NEGR1: variants seen among roughly 807,000 people sequenced by gnomAD.
NEGR1 encodes the protein neuronal growth regulator 1.
A neutral mutation model predicts 40.9 loss-of-function variants in NEGR1; 10 were observed. That is an observed-to-expected ratio of 0.24 (90% CI 0.15 to 0.42). The LOEUF is 0.42. Ranked by LOEUF, NEGR1 falls within the 10% of genes least tolerant of loss-of-function variation. The pLI, the probability that NEGR1 is intolerant of heterozygous loss-of-function variation, is 1.00. For synonymous variants in NEGR1, 185 were observed against 166.8 expected (o/e 1.11, Z -0.84); for missense variants, 352 against 438.9 (o/e 0.80, Z 1.77).
intron 2 of NEGR1, among the ~76,000 whole-genome samples, chr1:71,916,394 T>C (rs926835366): frequency 6.6e-6 from 1 of 151,982 alleles, no homozygotes; most frequent in Admixed American, 6.6e-5. Context: ...AATATAAAGA[T>C]CCTTAAAAAA....
chr1:71,696,549 C>T lies in NEGR1; in HGVS notation c.667+1459G>A, dbSNP rs116023195. On this transcript the variant is annotated intron_variant, in intron 4 of 6. Coordinates refer to ENST00000357731, the MANE Select transcript of NEGR1 (RefSeq NM_173808.3). ...TCCTTAGTAGATATATGTCTCTCTT[C>T]CCTCCCCTCCACTTCCCAAGCCCTC... 4.1e-3 allele frequency among the ~76,000 whole-genome samples: 630 copies of T among 151,808 alleles called. 6 individuals are homozygous for T. The highest frequency in any genetic ancestry group is 0.014 in the African/African-American group (601 of 41,478).
chr1:71,663,261 T>C (rs1339657460), intron 4 of NEGR1, among the ~76,000 whole-genome samples: 1 of 152,154 alleles, frequency 6.6e-6, no homozygotes, highest in Non-Finnish European at 1.5e-5. Context: ...CCGGCCATTT[T>C]TTAGTTTTTT....
rs987783926 is a variant in NEGR1 at position 71,607,291 on chromosome 1, A to T, written c.788+3735T>A. ...TAAATAAATTGGGAAATTATAAGTG[A>T]GTGTTTGTACATGCAGTTTCTTATT... is the stretch of plus-strand genomic sequence containing the variant. On this transcript the variant is annotated intron_variant, in intron 5 of 6. Coordinates refer to ENST00000357731, the MANE Select transcript of NEGR1 (RefSeq NM_173808.3). Among the ~76,000 whole-genome samples the T allele has an allele frequency of 9.2e-5, 14 of 152,196 alleles. No homozygotes were observed. The East Asian group carries it at 2.7e-3, about 29-fold the overall frequency.
intron 1 of NEGR1, among the ~76,000 whole-genome samples, chr1:72,210,277 A>C (rs1653552863): frequency 6.6e-6 from 1 of 151,902 alleles, no homozygotes; most frequent in African/African-American, 2.4e-5. Context: ...AAACCAACTC[A>C]GTGGCATAGT....
intron 1 of NEGR1, among the ~76,000 whole-genome samples, chr1:72,134,343 C>A (rs1033573395): frequency 9.9e-5 from 15 of 151,264 alleles, no homozygotes; most frequent in Non-Finnish European, 1.9e-4. Flanking sequence ...GTAGCTGGGA[C>A]TACAGGCGCC....
chr1:72,060,129 T>A lies in NEGR1; in HGVS notation c.177-124818A>T, dbSNP rs546471361. ...CAAAATTGCTTTTAGGAAATTACGA[T>A]ATTAATAATTTACACCCATGTCAAT... is the stretch of plus-strand genomic sequence containing the variant. On this transcript the variant is annotated intron_variant, in intron 1 of 6. Transcript: ENST00000357731. Among the ~76,000 whole-genome samples, 3 of 151,828 alleles carry A rather than the reference T, an allele frequency of 2.0e-5. No homozygotes were observed. In the East Asian group the frequency reaches 5.8e-4, roughly 29 times the overall value.
chr1:71,421,357 A>G (rs931766301), intron 6 of NEGR1: 3 of 151,890 alleles, frequency 2.0e-5, no homozygotes, highest in African/African-American at 7.3e-5. Context: ...GTTTGTTTTA[A>G]TTTTTTTTCC....
At chr1:71,670,490 G>A (rs1424850968) in intron 4 of NEGR1, among the ~76,000 whole-genome samples, 1 of 151,902 alleles carries the variant, frequency 6.6e-6, no homozygotes, top group Admixed American at 6.6e-5. Context: ...TTGAGTTCAT[G>A]TCTTCCAACA....
chr1:72,275,577 T>C (rs1413529943), intron 1 of NEGR1, among the ~76,000 whole-genome samples: 2 of 152,102 alleles, frequency 1.3e-5, no homozygotes, highest in Non-Finnish European at 2.9e-5. Context: ...ATGAATGATA[T>C]CAAGAAATTT....
intron 2 of NEGR1, among the ~76,000 whole-genome samples, chr1:71,809,952 T>C (rs1258980022): frequency 6.6e-6 from 1 of 152,112 alleles, no homozygotes. Context: ...TAAAACCATC[T>C]CAGACAAATG....
intron 4 of NEGR1, among the ~76,000 whole-genome samples, chr1:71,642,552 A>G (rs1287556691): frequency 1.3e-5 from 2 of 151,878 alleles, no homozygotes; most frequent in African/African-American, 4.8e-5. Context: ...TGTAACACCA[A>G]TCAGACTCTA....
chr1:71,709,506 G>A (rs868691905), intron 3 of NEGR1, among the ~76,000 whole-genome samples: 1 of 151,968 alleles, frequency 6.6e-6, no homozygotes, highest in Non-Finnish European at 1.5e-5. Flanking sequence ...AGGATGGCAC[G>A]AGTATGAAAA....
At position 71,428,363 on chromosome 1, in the gene NEGR1, A is replaced by G. The variant is rs1366522638; in HGVS notation, c.941-20793T>C. Among the ~76,000 whole-genome samples, 6 of 152,220 alleles carry G rather than the reference A, an allele frequency of 3.9e-5. No homozygotes were observed. In the South Asian group the frequency reaches 1.2e-3, roughly 32 times the overall value. On this transcript the variant is annotated intron_variant, in intron 6 of 6. Coordinates refer to ENST00000357731, the MANE Select transcript of NEGR1 (RefSeq NM_173808.3). Reference sequence around the variant, plus strand: ...TTCTAAATAGTACCTGTGTAATAGTAGTGTTCAAATCAATGTTTCACACAA... The same window carrying G: ...TTCTAAATAGTACCTGTGTAATAGTGGTGTTCAAATCAATGTTTCACACAA...
rs928837650 is a variant in NEGR1, at chr1:72,048,271, A to T, written c.177-112960T>A. Reference sequence around the variant, plus strand: ...TTCTTCGTTAAACTAACATTACCTTACAGAATGTTAGAATTGGAAGCAACT... The same window carrying T: ...TTCTTCGTTAAACTAACATTACCTTTCAGAATGTTAGAATTGGAAGCAACT... On this transcript the variant is annotated intron_variant, in intron 1 of 6. Coordinates refer to ENST00000357731, the MANE Select transcript of NEGR1 (RefSeq NM_173808.3). 1.3e-4 allele frequency among the ~76,000 whole-genome samples: 20 copies of T among 151,740 alleles called. No homozygotes were observed. In the East Asian group the frequency reaches 1.6e-3, roughly 12 times the overall value.
rs1660693201 is a variant in NEGR1 at position 71,885,272 on chromosome 1, TGCA to T, written c.409+49804_409+49806del. 3.3e-5 allele frequency among the ~76,000 whole-genome samples: 5 copies of T among 152,328 alleles called. No individual in the cohort carries two copies. The South Asian group carries it at 1.0e-3, about 32-fold the overall frequency. On this transcript the variant is annotated intron_variant, in intron 2 of 6. Coordinates refer to ENST00000357731, the MANE Select transcript of NEGR1 (RefSeq NM_173808.3). Reference sequence around the variant, plus strand: ...CAGCTTCAAATTTAATTACACTTTCTGCATTTCAAACCATTGAGGTACTTATGG... The same window carrying T: ...CAGCTTCAAATTTAATTACACTTTCTTTTCAAACCATTGAGGTACTTATGG...
chr1:72,192,013 A>G (rs570809590), intron 1 of NEGR1, among the ~76,000 whole-genome samples: 2 of 151,958 alleles, frequency 1.3e-5, no homozygotes, highest in Non-Finnish European at 2.9e-5. Flanking sequence ...ATAAAATTAT[A>G]GTCTTTACTT....
intron 5 of NEGR1, among the ~76,000 whole-genome samples, chr1:71,603,484 T>C (rs1196270227): frequency 1.3e-5 from 2 of 152,230 alleles, no homozygotes; most frequent in Non-Finnish European, 1.5e-5. Flanking sequence ...AGATACAGTT[T>C]TTATTATCAT....
intron 6 of NEGR1, among the ~76,000 whole-genome samples, chr1:71,448,482 C>G (rs1203091446): frequency 6.6e-6 from 1 of 152,056 alleles, no homozygotes; most frequent in African/African-American, 2.4e-5. Context: ...GCCTGTAGTC[C>G]CAGCAACTCA....
At chr1:71,615,322 T>C (rs1368870846) in intron 4 of NEGR1, among the ~76,000 whole-genome samples, 1 of 151,934 alleles carries the variant, frequency 6.6e-6, no homozygotes, top group Non-Finnish European at 1.5e-5. Context: ...ATAGAGCTGA[T>C]ATGAAGTGAT....
Sources: allele counts gnomAD v4.1 joint callset (sites outside exome capture counted in the v4.1 genomes callset), GRCh38; gene constraint gnomAD v4.1.1; transcripts MANE v1.5; gene names NCBI Gene and HGNC (gene_info 2026-07-23, HGNC 2026-07-21).